Variants in UNC13B observed in about 807,000 individuals in gnomAD.
UNC13B encodes the protein unc-13 homolog B.
Under a neutral mutation model 211.0 loss-of-function variants are expected in UNC13B, and 144 were observed. The observed-to-expected ratio is 0.68, with a 90% CI of 0.60 to 0.78. UNC13B has a LOEUF of 0.78. UNC13B is among the 30% of genes least tolerant of loss of function. The probability of loss-of-function intolerance (pLI) is 0.00; values close to 1 mark genes in which losing one functional copy is unlikely to be tolerated. For synonymous variants in UNC13B, 709 were observed against 725.8 expected (o/e 0.98, Z 0.37); for missense variants, 1,777 against 2,002.0 (o/e 0.89, Z 2.14).
intron 1 of UNC13B, among the ~76,000 whole-genome samples, chr9:35,179,393 A>C (rs551771573): frequency 6.6e-6 from 1 of 151,774 alleles, no homozygotes; most frequent in African/African-American, 2.4e-5. Context: ...TTTTCTTGGG[A>C]GGGAGTGTGG....
chr9:35,281,592 A>G (rs1306562313), intron 7 of UNC13B, among the ~76,000 whole-genome samples: 2 of 152,240 alleles, frequency 1.3e-5, no homozygotes, highest in African/African-American at 2.4e-5. Flanking sequence ...ACTGCTTCCC[A>G]GAGGAAATGA....
intron 1 of UNC13B, among the ~76,000 whole-genome samples, chr9:35,178,774 A>G (rs1300513054): frequency 6.6e-6 from 1 of 151,216 alleles, no homozygotes; most frequent in Non-Finnish European, 1.5e-5. Context: ...TGGATTCCCA[A>G]CTACTCTGGA....
chr9:35,209,316 A>G (rs367569951), intron 1 of UNC13B, among the ~76,000 whole-genome samples: 2 of 151,866 alleles, frequency 1.3e-5, no homozygotes, highest in African/African-American at 4.8e-5. Flanking sequence ...TGCCTGCCTC[A>G]GTCTCCCAAA....
At chr9:35,334,857 C>T (rs567585177) in intron 11 of UNC13B, among the ~76,000 whole-genome samples, 42 of 152,144 alleles carry the variant, frequency 2.8e-4, no homozygotes, top group African/African-American at 8.7e-4. Flanking sequence ...GCCAACATGG[C>T]GAAACCCCCA....
intron 11 of UNC13B, chr9:35,361,139 G>C (rs1292216735): frequency 2.6e-5 from 4 of 152,182 alleles, no homozygotes; most frequent in African/African-American, 9.7e-5. Context: ...GTATTATTGG[G>C]TATACTGAGG....
At position 35,386,156 on chromosome 9, in the gene UNC13B, A is replaced by T; in HGVS notation, c.10966-9A>T. On this transcript the variant is annotated splice_polypyrimidine_tract_variant and intron_variant, in intron 23 of 39. Coordinates refer to ENST00000635942, the MANE Select transcript of UNC13B (RefSeq NM_001371189.2). ...TCCTTGGGCCCATATTTCTTCTTTTAATTGGCAGGTACAAGAACTGCAAAG... is the reference window on the plus strand; with the variant it reads ...TCCTTGGGCCCATATTTCTTCTTTTTATTGGCAGGTACAAGAACTGCAAAG... 1 of 1,614,066 alleles carries T rather than the reference A, an allele frequency of 6.2e-7. No individual in the cohort carries two copies. The highest frequency in any genetic ancestry group is 8.5e-7 in the Non-Finnish European group (1 of 1,179,966).
intron 1 of UNC13B, among the ~76,000 whole-genome samples, chr9:35,190,744 A>G (rs559228790): frequency 6.6e-6 from 1 of 152,354 alleles, no homozygotes; most frequent in East Asian, 1.9e-4. Context: ...AGAGAAAAAC[A>G]TAATAGCCTT....
chr9:35,211,180 G>A (rs1243644464), intron 1 of UNC13B, among the ~76,000 whole-genome samples: 2 of 152,194 alleles, frequency 1.3e-5, no homozygotes, highest in African/African-American at 2.4e-5. Flanking sequence ...AGAATATACG[G>A]TGAAAAGTAA....
intron 1 of UNC13B, among the ~76,000 whole-genome samples, chr9:35,180,769 C>G (rs893039016): frequency 6.6e-6 from 1 of 151,926 alleles, no homozygotes; most frequent in Non-Finnish European, 1.5e-5. Context: ...GTTCTGAAAT[C>G]AATTAAGTGG....
chr9:35,361,267 T>G (rs767563208), intron 11 of UNC13B: 18 of 152,208 alleles, frequency 1.2e-4, no homozygotes, highest in Non-Finnish European at 7.3e-5. Context: ...TGTAGACATT[T>G]ATAACTTAAC....
intron 7 of UNC13B, among the ~76,000 whole-genome samples, chr9:35,279,413 A>T (rs1828360313): frequency 6.6e-6 from 1 of 152,186 alleles, no homozygotes; most frequent in Admixed American, 6.5e-5. Flanking sequence ...CATTGTACAG[A>T]TATACCATAT....
rs1486020189 is a variant in UNC13B, at chr9:35,268,284, AT to A, written c.526+9236del. Among the ~76,000 whole-genome samples the A allele has an allele frequency of 3.9e-5, 6 of 152,276 alleles. No homozygotes were observed. In the South Asian group the frequency reaches 1.0e-3, roughly 26 times the overall value. ...TGCTGGGTCCCACATTGACATAGAC[AT>A]TCTACAAGACAGCTGACAAGGATCT... On this transcript the variant is annotated intron_variant, in intron 7 of 39. Coordinates refer to ENST00000635942, the MANE Select transcript of UNC13B (RefSeq NM_001371189.2).
In UNC13B at chr9:35,399,680, T is replaced by C; in HGVS notation, c.12287T>C (p.Leu4096Pro). 1 of 1,614,070 alleles carries C rather than the reference T, an allele frequency of 6.2e-7. No homozygotes were observed. Among genetic ancestry groups the C allele is most frequent in the Non-Finnish European group, 8.5e-7 (1 of 1,180,004 alleles). Residue 4096 changes from leucine to proline, a missense_variant, in exon 36 of 40, where the codon CTC becomes CCC. Physicochemically the swap from Leu to Pro is moderately conservative, Grantham distance 98. Coordinates refer to ENST00000635942, the MANE Select transcript of UNC13B (RefSeq NM_001371189.2). ...DHMVREETRN[L>P]TPKQCAVLDL... Reference sequence around the variant, plus strand: ...ATGGTACGAGAGGAAACACGGAATCTCACTCCAAAGCAGTGTGCAGTCCTT... The same window carrying C: ...ATGGTACGAGAGGAAACACGGAATCCCACTCCAAAGCAGTGTGCAGTCCTT...
At chr9:35,398,446 G>A in intron 31 of UNC13B, 108 bp from the exon 32 acceptor site, 1 of 1,363,242 alleles carries the variant, frequency 7.3e-7, no homozygotes, top group Non-Finnish European at 1.0e-6. Context: ...GGCCCTGCGA[G>A]GGAGGAATAG....
chr9:35,294,950 A>G (rs531116394), intron 7 of UNC13B, among the ~76,000 whole-genome samples: 53 of 152,356 alleles, frequency 3.5e-4, no homozygotes, highest in African/African-American at 1.3e-3. Context: ...CTGCTGTTGG[A>G]TAAACTTGGC....
chr9:35,204,279 G>A (rs550358512), intron 1 of UNC13B, among the ~76,000 whole-genome samples: 4 of 152,372 alleles, frequency 2.6e-5, no homozygotes, highest in Non-Finnish European at 5.9e-5. Flanking sequence ...GCCTAGTGCA[G>A]GGTTTGAGCC....
At chr9:35,216,642 T>C (rs1457078654) in intron 1 of UNC13B, among the ~76,000 whole-genome samples, 1 of 152,194 alleles carries the variant, frequency 6.6e-6, no homozygotes, top group Non-Finnish European at 1.5e-5. Flanking sequence ...TCCCCTTCGC[T>C]AACTCCTGTT....
At position 35,396,950 on chromosome 9, in the gene UNC13B, CT is replaced by C; in HGVS notation, c.11532+16del. ...TAAGAAGGATGGAGTAAGTCAGGGG[CT>C]TTGGCTGCACCGGGTTCAGGCCAGG... On this transcript the variant is annotated intron_variant, in intron 28 of 39. Coordinates refer to ENST00000635942, the MANE Select transcript of UNC13B (RefSeq NM_001371189.2). The C allele has an allele frequency of 6.2e-7, 1 of 1,613,932 alleles. No individual in the cohort carries two copies. Among genetic ancestry groups the C allele is most frequent in the Non-Finnish European group, 8.5e-7 (1 of 1,179,848 alleles).
At chr9:35,264,128 G>A (rs1488321629) in intron 7 of UNC13B, among the ~76,000 whole-genome samples, 1 of 152,132 alleles carries the variant, frequency 6.6e-6, no homozygotes, top group Non-Finnish European at 1.5e-5. Context: ...AGAAAAAACT[G>A]AGATTTCCAT....
Sources: gnomAD v4.1 joint callset for allele counts (sites outside exome capture counted in the v4.1 genomes callset) on GRCh38, gnomAD v4.1.1 for gene constraint, MANE v1.5 for transcripts, NCBI Gene and HGNC (gene_info 2026-07-23, HGNC 2026-07-21) for gene names.